The following FOXP1 variants were observed in gnomAD, a reference collection of about 807,000 sequenced individuals.
The protein encoded by FOXP1 is forkhead box protein P1.
FOXP1 carries 15 observed loss-of-function variants against 98.2 expected under a neutral mutation model. That is an observed-to-expected ratio of 0.15 (90% confidence interval 0.10 to 0.24). The LOEUF (loss-of-function observed/expected upper bound fraction) is 0.24. Ranked by LOEUF, FOXP1 falls within the 10% of genes least tolerant of loss-of-function variation. FOXP1 has a pLI of 1.00. For missense variants in FOXP1, 633 were observed against 848.5 expected, an observed-to-expected ratio of 0.75 and a Z score of 3.15; for synonymous variants, 371 against 314.5, an observed-to-expected ratio of 1.18 and a Z score of -1.90.
At chr3:70,988,156 A>G (rs1171381555) in intron 13 of FOXP1, 79 bp from the exon 14 acceptor site, 2 of 1,225,640 alleles carry the variant, frequency 1.6e-6, no homozygotes, top group Non-Finnish European at 2.4e-6. Flanking sequence ...ACATATTACA[A>G]ATTACGCTAT....
chr3:71,386,319 C>A (rs1172200007), intron 3 of FOXP1, among the ~76,000 whole-genome samples: 2 of 152,224 alleles, frequency 1.3e-5, no homozygotes, highest in Non-Finnish European at 2.9e-5. Flanking sequence ...AGAGTCAGTC[C>A]TCAAAAGGCT....
chr3:70,967,987 A>ATGAG (rs972354000), intron 19 of FOXP1, among the ~76,000 whole-genome samples: 2 of 152,082 alleles, frequency 1.3e-5, no homozygotes, highest in African/African-American at 4.8e-5. Context: ...GTTCATTGGG[A>ATGAG]TGAGTTTGTC....
At chr3:71,211,204 A>G (rs1433992692) in intron 5 of FOXP1, among the ~76,000 whole-genome samples, 2 of 151,622 alleles carry the variant, frequency 1.3e-5, no homozygotes, top group East Asian at 1.9e-4. Flanking sequence ...ATTTAGTTCT[A>G]TTTTTCCATT....
In FOXP1 at chr3:71,336,010, C is replaced by CA. The variant is rs60051890; in HGVS notation, c.-73+23139dup. Among the ~76,000 whole-genome samples, 202 of 34,090 alleles carry CA rather than the reference C, an allele frequency of 5.9e-3. 12 individuals are homozygous for CA. Among genetic ancestry groups the CA allele is most frequent in the African/African-American group, 0.016 (108 of 6,882 alleles). The allele number at this position is 34,090 out of a possible 152,430, so 22.4% of individuals were successfully genotyped here. On this transcript the variant is annotated intron_variant, in intron 4 of 20. Coordinates refer to ENST00000649528, the MANE Select transcript of FOXP1 (RefSeq NM_001349338.3). ...GGGCAATAACAGCGAAACTCCATCT[C>CA]AAAAAAAAAAAAAAAAAAAAAAAAA...
intron 7 of FOXP1, among the ~76,000 whole-genome samples, chr3:71,063,448 G>T (rs2051826790): frequency 6.6e-6 from 1 of 152,194 alleles, no homozygotes; most frequent in Admixed American, 6.5e-5. Flanking sequence ...ATGCTAGCTT[G>T]CGCTCTTTAC....
At chr3:71,225,593 A>G (rs1256532105) in intron 5 of FOXP1, among the ~76,000 whole-genome samples, 2 of 152,220 alleles carry the variant, frequency 1.3e-5, no homozygotes, top group Non-Finnish European at 2.9e-5. Flanking sequence ...AGATAAACAG[A>G]GATTTGCATA....
intron 6 of FOXP1, among the ~76,000 whole-genome samples, chr3:71,140,284 A>G (rs2060006576): frequency 6.6e-6 from 1 of 152,200 alleles, no homozygotes; most frequent in Admixed American, 6.5e-5. Flanking sequence ...ACAATCTGAT[A>G]CAAGACTTTT....
intron 7 of FOXP1, among the ~76,000 whole-genome samples, chr3:71,107,759 T>C (rs2057559586): frequency 6.6e-6 from 1 of 152,230 alleles, no homozygotes; most frequent in Non-Finnish European, 1.5e-5. Flanking sequence ...CTCTTGCCAA[T>C]TTCTTCTTTA....
At chr3:71,533,609 A>C (rs553150660) in intron 2 of FOXP1, among the ~76,000 whole-genome samples, 1 of 152,204 alleles carries the variant, frequency 6.6e-6, no homozygotes, top group Non-Finnish European at 1.5e-5. Flanking sequence ...CCCCAACCCC[A>C]TTATTGTTCT....
rs892941319 is a variant in FOXP1 at position 70,955,108 on chromosome 3, C to G, written c.*4139G>C. The G allele has an allele frequency of 8.6e-6, 2 of 232,080 alleles. No homozygotes were observed. Among genetic ancestry groups the G allele is most frequent in the Non-Finnish European group, 1.7e-5 (2 of 117,424 alleles). 14.4% of individuals were successfully genotyped at this position (232,080 alleles called of 1,614,324 possible). ...AATTTCAGGAGGCTATGTCATTAAC[C>G]AAAAGGTACCAAAAAGATTCAAAAT... On this transcript the variant is annotated 3_prime_UTR_variant, in exon 21 of 21. Transcript: ENST00000649528.
intron 2 of FOXP1, among the ~76,000 whole-genome samples, chr3:71,508,285 T>C (rs908964006): frequency 6.6e-6 from 1 of 152,262 alleles, no homozygotes; most frequent in African/African-American, 2.4e-5. Context: ...ACATTTATCA[T>C]AAATCATGTT....
chr3:71,300,153 C>CTTGTTGTTTCTCATCTTGTT (rs1560269128), intron 4 of FOXP1, among the ~76,000 whole-genome samples: 1 of 152,090 alleles, frequency 6.6e-6, no homozygotes, highest in East Asian at 1.9e-4. Flanking sequence ...TGTTGTCTAT[C>CTTGTTGTTTCTCATCTTGTT]GATTTATTTT....
chr3:71,535,825 C>T (rs112169867), intron 2 of FOXP1, among the ~76,000 whole-genome samples: 35 of 152,306 alleles, frequency 2.3e-4, no homozygotes, highest in African/African-American at 7.9e-4. Flanking sequence ...ATGGCGGCAT[C>T]CCAGAGTCCT....
intron 6 of FOXP1, among the ~76,000 whole-genome samples, chr3:71,121,057 T>C (rs201251586): frequency 3.5e-5 from 5 of 142,534 alleles, no homozygotes; most frequent in Non-Finnish European, 7.7e-5. Flanking sequence ...TTTTTTTTTT[T>C]ACAAGAACTG....
chr3:71,408,029 C>G (rs2082474161), intron 3 of FOXP1, among the ~76,000 whole-genome samples: 2 of 152,156 alleles, frequency 1.3e-5, no homozygotes, highest in Admixed American at 1.3e-4. Context: ...AGCAGTCAAG[C>G]AGGGATCCTC....
intron 10 of FOXP1, among the ~76,000 whole-genome samples, chr3:71,043,577 T>C (rs963017954): frequency 6.6e-5 from 10 of 152,204 alleles, no homozygotes; most frequent in African/African-American, 2.4e-4. Context: ...GCTTGTCTGT[T>C]GATGATGGCA....
intron 3 of FOXP1, among the ~76,000 whole-genome samples, chr3:71,460,481 G>C (rs1350565001): frequency 6.6e-6 from 1 of 150,918 alleles, no homozygotes; most frequent in African/African-American, 2.4e-5. Flanking sequence ...CTGTCGCCCA[G>C]GCTGGAGTGC....
At chr3:71,563,363 C>A (rs987098294) in intron 2 of FOXP1, among the ~76,000 whole-genome samples, 1 of 152,130 alleles carries the variant, frequency 6.6e-6, no homozygotes, top group Non-Finnish European at 1.5e-5. Context: ...CCAAGCTGGG[C>A]AAATTTTATT....
At chr3:71,297,670 C>G (rs1374525552) in intron 5 of FOXP1, among the ~76,000 whole-genome samples, 1 of 141,776 alleles carries the variant, frequency 7.1e-6, no homozygotes, top group Non-Finnish European at 1.5e-5. Context: ...GCCTGCAGAA[C>G]AGTGGTGCGA....
Sources: gnomAD v4.1 joint callset for allele counts (sites outside exome capture counted in the v4.1 genomes callset) on GRCh38, gnomAD v4.1.1 for gene constraint, MANE v1.5 for transcripts, NCBI Gene and HGNC (gene_info 2026-07-23, HGNC 2026-07-21) for gene names.